The following CYBB variants were observed in gnomAD, a reference collection of about 807,000 sequenced individuals.
CYBB encodes the protein cytochrome b-245 beta chain.
CYBB carries 5 observed loss-of-function variants against 46.5 expected under a neutral mutation model. The ratio of observed to expected loss-of-function variants is 0.11; its 90% CI spans 0.06 to 0.23. CYBB has a LOEUF of 0.23. Among genes scored for constraint, CYBB ranks in the 10% least tolerant of loss-of-function variants. The pLI is 1.00. For synonymous variants in CYBB, 183 were observed against 156.7 expected (o/e 1.17, Z -1.26); for missense variants, 307 against 428.3 (o/e 0.72, Z 2.50).
At chrX:37,803,692 T>C (rs1002843452) in intron 8 of CYBB, among the ~76,000 whole-genome samples, 185 bp from the exon 9 acceptor site, 5 of 111,301 alleles carry the variant, frequency 4.5e-5, no homozygotes, top group Non-Finnish European at 9.4e-5. Context: ...CAGCCCATCA[T>C]TAGTAATGGG....
chrX:37,801,185 T>G, intron 7 of CYBB, 71 bp from the exon 8 acceptor site: 4 of 725,885 alleles, frequency 5.5e-6, no homozygotes, highest in Non-Finnish European at 8.8e-6. Context: ...TCTAAAATTT[T>G]TCTCCCTCTG....
intron 3 of CYBB, among the ~76,000 whole-genome samples, chrX:37,790,287 TC>T (rs1464991326): frequency 9.0e-6 from 1 of 111,492 alleles, no homozygotes; most frequent in Non-Finnish European, 1.9e-5. Context: ...ATGACCACCT[TC>T]CGGATAGAAT....
intron 8 of CYBB, among the ~76,000 whole-genome samples, chrX:37,801,586 T>TTGTGTGTGTGTGTGTGTGTGTGTGTGTG (rs58302662): frequency 3.5e-5 from 3 of 84,587 alleles, no homozygotes; most frequent in African/African-American, 4.8e-5. Flanking sequence ...CCCCCACCCA[T>TTGTGTGTGTGTGTGTGTGTGTGTGTGTG]TGTGTGTGTG....
chrX:37,802,952 A>T (rs191645868), intron 8 of CYBB, among the ~76,000 whole-genome samples: 314 of 112,181 alleles, frequency 2.8e-3, no homozygotes, highest in African/African-American at 9.0e-3. Context: ...TCTATTTTTT[A>T]AAAAAATTAT....
chrX:37,780,765 T>A lies in CYBB; in HGVS notation c.45+643T>A, dbSNP rs189610890. On this transcript the variant is annotated intron_variant, in intron 1 of 12. Transcript: ENST00000378588. The stretch of plus-strand genomic sequence containing the variant: ...AAATCAATATAGTCTGGAGAAACTA[T>A]GTAAGTAAAGATATAGCTAATTTAC... Among the ~76,000 whole-genome samples, 483 of 110,472 alleles carry A rather than the reference T, an allele frequency of 4.4e-3. 2 individuals carry two copies. The highest frequency in any genetic ancestry group is 8.1e-3 in the Non-Finnish European group (430 of 52,780).
intron 1 of CYBB, among the ~76,000 whole-genome samples, chrX:37,780,613 T>G (rs1928930636): frequency 9.0e-6 from 1 of 110,725 alleles, no homozygotes; most frequent in Non-Finnish European, 1.9e-5. Flanking sequence ...AGTACCTTCT[T>G]TTTTCAGAGA....
At chrX:37,791,279 TAA>T (rs782789334) in intron 3 of CYBB, among the ~76,000 whole-genome samples, 61 of 111,469 alleles carry the variant, frequency 5.5e-4, no homozygotes, top group African/African-American at 1.9e-3. Flanking sequence ...TTGTAAGAAT[TAA>T]AGAGTTAATT....
chrX:37,805,661 A>G (rs1175607963), intron 10 of CYBB, among the ~76,000 whole-genome samples: 1 of 111,117 alleles, frequency 9.0e-6, no homozygotes, highest in South Asian at 3.8e-4. Flanking sequence ...TTTTTCTTTC[A>G]TCTTGTGTTA....
chrX:37,800,342 A>C (rs1201285995), intron 7 of CYBB, among the ~76,000 whole-genome samples: 1 of 111,882 alleles, frequency 8.9e-6, no homozygotes, highest in African/African-American at 3.3e-5. Context: ...GGCCAACAAC[A>C]GAACATTGTT....
At chrX:37,781,101 C>A (rs1363791468) in intron 1 of CYBB, among the ~76,000 whole-genome samples, 4 of 112,405 alleles carry the variant, frequency 3.6e-5, no homozygotes, top group Non-Finnish European at 7.5e-5. Context: ...TTACGCCAAA[C>A]CAACATTCTA....
At chrX:37,807,138 C>T (rs1178447766) in intron 11 of CYBB, among the ~76,000 whole-genome samples, 7 of 110,389 alleles carry the variant, frequency 6.3e-5, no homozygotes, top group Non-Finnish European at 1.3e-4. Context: ...GTGTTCTGAG[C>T]ACATTTAAGG....
At chrX:37,792,316 C>T (rs1556467198) in intron 4 of CYBB, among the ~76,000 whole-genome samples, 1 of 111,034 alleles carries the variant, frequency 9.0e-6, no homozygotes, top group African/African-American at 3.3e-5. Flanking sequence ...AAAAGTCAAT[C>T]CTAGTGTCCT....
intron 3 of CYBB, among the ~76,000 whole-genome samples, chrX:37,789,495 GAGAA>G (rs1245444226): frequency 2.6e-4 from 22 of 83,073 alleles, no homozygotes; most frequent in African/African-American, 8.6e-4. Context: ...AAGAAAGAAA[GAGAA>G]AGAAAGAAAG....
intron 5 of CYBB, among the ~76,000 whole-genome samples, chrX:37,794,262 A>T (rs1556467846): frequency 8.9e-6 from 1 of 111,838 alleles, no homozygotes. Flanking sequence ...AGGATTTAAG[A>T]ATGCAAGGAT....
chrX:37,783,719 A>G (rs1929003002), intron 3 of CYBB, 119 bp downstream of exon 3: 1 of 532,661 alleles, frequency 1.9e-6, no homozygotes, highest in African/African-American at 2.3e-5. Flanking sequence ...TAGAATACTC[A>G]TGAGCCAAGC....
rs1929532655 is a variant in CYBB at position 37,805,145 on chromosome X, G to A, written c.1291G>A (p.Ala431Thr). 1 of 1,210,939 alleles carries A rather than the reference G, an allele frequency of 8.3e-7. No homozygotes were observed. Among genetic ancestry groups the A allele is most frequent in the Non-Finnish European group, 1.1e-6 (1 of 895,031 alleles). ...AGTCTGGTACAAATATTGCAATAAC[G>A]CCACCAATCTGAAGCTCAAAAAGGT... ...KSVWYKYCNNATNLKLKKIYF... is the reference protein window; with the variant it reads ...KSVWYKYCNNTTNLKLKKIYF... Residue 431 changes from alanine (A) to threonine (T), a missense_variant, in exon 10 of 13, where the codon GCC becomes ACC. Coordinates refer to ENST00000378588, the MANE Select transcript of CYBB (RefSeq NM_000397.4).
intron 12 of CYBB, among the ~76,000 whole-genome samples, chrX:37,810,485 A>C (rs983518307): frequency 8.9e-6 from 1 of 112,261 alleles, no homozygotes; most frequent in East Asian, 2.8e-4. Flanking sequence ...AGAGCCCTGA[A>C]GGAAAGTAGC....
Position 37,804,008 on chromosome X carries a change from A to G in CYBB, c.1029A>G (p.Thr343=), listed in dbSNP as rs1556470803. 1.7e-6 allele frequency: 2 copies of G among 1,211,491 alleles called. No individual in the cohort carries two copies. Among genetic ancestry groups the G allele is most frequent in the Non-Finnish European group, 2.2e-6 (2 of 895,326 alleles). ...SKLEWHPFTL[T]SAPEEDFFSI... ...TGGAGTGGCACCCTTTTACACTGAC[A>G]TCCGCCCCTGAGGAAGACTTCTTTA... The change falls in exon 9 of 13, where the codon ACA becomes ACG. Residue 343 remains threonine, a synonymous_variant. Transcript: ENST00000378588.
chrX:37,805,164 A>G lies in CYBB; in HGVS notation c.1310A>G (p.Lys437Arg). 2.5e-6 allele frequency: 3 copies of G among 1,210,670 alleles called. No homozygotes were observed. Among genetic ancestry groups the G allele is most frequent in the Non-Finnish European group, 3.4e-6 (3 of 894,597 alleles). ...AATAACGCCACCAATCTGAAGCTCA[A>G]AAAGGTAAGTCCTTTCATTTATCGG... is the stretch of plus-strand genomic sequence containing the variant. Reference protein sequence around the residue: ...YCNNATNLKLKKIYFYWLCRD... With the variant: ...YCNNATNLKLRKIYFYWLCRD... Residue 437 changes from lysine to arginine, a missense_variant, in exon 10 of 13, where the codon AAA (lysine) becomes AGA (arginine). By Grantham distance (26) the Lys-to-Arg change is conservative. Coordinates refer to ENST00000378588, the MANE Select transcript of CYBB (RefSeq NM_000397.4).
Sources: allele counts gnomAD v4.1 joint callset (sites outside exome capture counted in the v4.1 genomes callset), GRCh38; gene constraint gnomAD v4.1.1; transcripts MANE v1.5; gene names NCBI Gene and HGNC (gene_info 2026-07-23, HGNC 2026-07-21).